ANO4: variants seen among roughly 807,000 people sequenced by gnomAD.
The protein encoded by ANO4 is anoctamin 4, also known as anoctamin-4.
In ANO4, 69 loss-of-function variants were observed where a neutral mutation model predicts 141.9. The ratio of observed to expected loss-of-function variants is 0.49; its 90% CI spans 0.40 to 0.59. The LOEUF is 0.59. Among genes scored for constraint, ANO4 ranks in the 20% least tolerant of loss-of-function variants. The probability of loss-of-function intolerance (pLI) is 0.00; values close to 1 mark genes in which losing one functional copy is unlikely to be tolerated. For missense variants in ANO4, 894 were observed against 1,162.2 expected (o/e 0.77, Z 3.36); for synonymous variants, 350 against 394.3 (o/e 0.89, Z 1.33).
chr12:101,081,397 G>A (rs1164695077), intron 15 of ANO4, among the ~76,000 whole-genome samples: 2 of 152,088 alleles, frequency 1.3e-5, no homozygotes, highest in Non-Finnish European at 2.9e-5. Flanking sequence ...ACCCTTCTGG[G>A]GAACGTATGT....
intron 8 of ANO4, among the ~76,000 whole-genome samples, chr12:101,013,190 G>C (rs2046172945): frequency 6.6e-6 from 1 of 152,132 alleles, no homozygotes; most frequent in Non-Finnish European, 1.5e-5. Context: ...TTCTGTTTTG[G>C]AAATATTTGG....
intron 17 of ANO4, among the ~76,000 whole-genome samples, chr12:101,093,071 A>T (rs1204352006): frequency 6.6e-6 from 1 of 152,178 alleles, no homozygotes; most frequent in African/African-American, 2.4e-5. Context: ...AACCTATGTC[A>T]CAAGGTTTCT....
chr12:100,867,755 T>C (rs150367960), intron 1 of ANO4, among the ~76,000 whole-genome samples: 40 of 152,298 alleles, frequency 2.6e-4, no homozygotes, highest in Admixed American at 6.5e-4. Flanking sequence ...ACATAGGAAT[T>C]ATGCCTACAT....
chr12:101,108,326 C>G (rs958598037), intron 22 of ANO4, among the ~76,000 whole-genome samples: 1 of 152,116 alleles, frequency 6.6e-6, no homozygotes, highest in African/African-American at 2.4e-5. Flanking sequence ...ACAGGGGACA[C>G]CTGGAGGTGG....
At chr12:100,894,414 C>T (rs929240641) in intron 1 of ANO4, among the ~76,000 whole-genome samples, 1 of 152,042 alleles carries the variant, frequency 6.6e-6, no homozygotes, top group Non-Finnish European at 1.5e-5. Context: ...TGGGTTAGAA[C>T]TCATACTACT....
At chr12:100,888,252 T>C (rs1445785831) in intron 1 of ANO4, among the ~76,000 whole-genome samples, 1 of 152,062 alleles carries the variant, frequency 6.6e-6, no homozygotes, top group African/African-American at 2.4e-5. Context: ...TGGAAAGGGG[T>C]GGATTTTCAA....
At chr12:101,013,858 A>G (rs1446238016) in intron 8 of ANO4, among the ~76,000 whole-genome samples, 2 of 152,212 alleles carry the variant, frequency 1.3e-5, no homozygotes, top group African/African-American at 4.8e-5. Context: ...ATTTGTGAAG[A>G]AAGTGTAGTC....
chr12:101,076,300 G>C (rs997887511), intron 14 of ANO4, among the ~76,000 whole-genome samples: 2 of 152,082 alleles, frequency 1.3e-5, no homozygotes, highest in Non-Finnish European at 2.9e-5. Flanking sequence ...CACCATGTAA[G>C]GGCACAGCTG....
chr12:101,068,824 G>T, intron 14 of ANO4: 2 of 1,078,710 alleles, frequency 1.9e-6, no homozygotes, highest in Non-Finnish European at 2.9e-6. Context: ...TCTATTGAAG[G>T]TTGCTGAGCT....
intron 9 of ANO4, among the ~76,000 whole-genome samples, chr12:101,032,831 A>G (rs1344713635): frequency 6.6e-6 from 1 of 151,456 alleles, no homozygotes; most frequent in Non-Finnish European, 1.5e-5. Flanking sequence ...GGTGCTGGAG[A>G]GGATGTGGAG....
At chr12:100,759,242 G>C (rs1400329920) in intron 3 of ANO4, among the ~76,000 whole-genome samples, 1 of 152,106 alleles carries the variant, frequency 6.6e-6, no homozygotes, top group Non-Finnish European at 1.5e-5. Flanking sequence ...CTCAATATGT[G>C]GGTGTTTTTG....
At chr12:100,953,100 G>C (rs1186777628) in intron 5 of ANO4, among the ~76,000 whole-genome samples, 2 of 152,150 alleles carry the variant, frequency 1.3e-5, no homozygotes, top group Admixed American at 6.5e-5. Flanking sequence ...TAACTTCTCT[G>C]ATATAAAGCA....
intron 11 of ANO4, 54 bp from the exon 12 acceptor site, chr12:101,042,280 T>C: frequency 6.2e-7 from 1 of 1,602,316 alleles, no homozygotes; most frequent in Non-Finnish European, 8.5e-7. Flanking sequence ...AGTTTCATAA[T>C]GCTTAACTTT....
At chr12:100,845,088 G>A (rs535155962) in intron 1 of ANO4, among the ~76,000 whole-genome samples, 19 of 152,268 alleles carry the variant, frequency 1.2e-4, no homozygotes, top group African/African-American at 3.8e-4. Context: ...CCGGAGAGCA[G>A]GAAAGGCCCA....
At chr12:101,031,025 A>G (rs1005663851) in intron 9 of ANO4, among the ~76,000 whole-genome samples, 13 of 152,226 alleles carry the variant, frequency 8.5e-5, no homozygotes, top group African/African-American at 3.1e-4. Flanking sequence ...AGCTGGTACC[A>G]TTCCTTCTGA....
At chr12:101,097,986 CATT>C (rs921100988) in intron 21 of ANO4, 41 bp downstream of exon 21, 4 of 1,562,468 alleles carry the variant, frequency 2.6e-6, no homozygotes, top group Non-Finnish European at 3.5e-6. Flanking sequence ...CAGCATTGCT[CATT>C]ATTGGCTTTT....
At chr12:100,986,985 A>G (rs566400136) in intron 7 of ANO4, 1 of 154,678 alleles carries the variant, frequency 6.5e-6, no homozygotes, top group African/African-American at 2.4e-5. Context: ...AAAAGAGATC[A>G]ATGAAAGCCA....
At chr12:100,835,527 A>G (rs1436833762) in intron 1 of ANO4, among the ~76,000 whole-genome samples, 2 of 152,268 alleles carry the variant, frequency 1.3e-5, no homozygotes, top group South Asian at 2.1e-4. Context: ...ATAAACTACT[A>G]TAAAAGTTTT....
intron 3 of ANO4, among the ~76,000 whole-genome samples, chr12:100,762,186 G>T (rs1235945845): frequency 6.6e-6 from 1 of 152,154 alleles, no homozygotes; most frequent in Non-Finnish European, 1.5e-5. Flanking sequence ...CTAAATGCTG[G>T]GATTTTCAGG....
Sources: allele counts gnomAD v4.1 joint callset (sites outside exome capture counted in the v4.1 genomes callset), GRCh38; gene constraint gnomAD v4.1.1; transcripts MANE v1.5; gene names NCBI Gene and HGNC (gene_info 2026-07-23, HGNC 2026-07-21).